EXT1: variants seen among roughly 807,000 people sequenced by gnomAD.
EXT1 encodes the protein exostosin glycosyltransferase 1.
EXT1 carries 20 observed loss-of-function variants against 82.5 expected under a neutral mutation model. That is an observed-to-expected ratio of 0.24 (90% CI 0.17 to 0.35). The LOEUF (loss-of-function observed/expected upper bound fraction) is 0.35, where lower values mean the gene tolerates loss of function less well. Ranked by LOEUF, EXT1 falls within the 10% of genes least tolerant of loss-of-function variation. The pLI, the probability that EXT1 is intolerant of heterozygous loss-of-function variation, is 1.00. For synonymous variants in EXT1, 348 were observed against 350.8 expected, an observed-to-expected ratio of 0.99 and a Z score of 0.09; for missense variants, 757 against 936.5, an observed-to-expected ratio of 0.81 and a Z score of 2.50.
intron 1 of EXT1, among the ~76,000 whole-genome samples, chr8:117,975,622 C>G (rs1279099882): frequency 6.6e-6 from 1 of 152,154 alleles, no homozygotes; most frequent in Non-Finnish European, 1.5e-5. Flanking sequence ...TTCCTCCCCT[C>G]TAACATGCGG....
Position 118,111,667 on chromosome 8 carries a change from G to T in EXT1, c.-621C>A, listed in dbSNP as rs1003411305. 2.8e-4 allele frequency: 99 copies of T among 352,312 alleles called. No individual in the cohort carries two copies. Among genetic ancestry groups the T allele is most frequent in the Admixed American group, 1.4e-3 (30 of 20,838 alleles). The allele number at this position is 352,312 out of a possible 1,614,324, so 21.8% of individuals were successfully genotyped here. On this transcript the variant is annotated 5_prime_UTR_variant, in exon 1 of 11. Coordinates refer to ENST00000378204, the MANE Select transcript of EXT1 (RefSeq NM_000127.3). ...TGTTTACTCCTGCGCTCGCGGGGCC[G>T]GCCCCCGGGACGCGCGGCGGCCCGG...
chr8:117,954,016 G>A (rs956942935), intron 1 of EXT1, among the ~76,000 whole-genome samples: 7 of 152,140 alleles, frequency 4.6e-5, no homozygotes, highest in African/African-American at 7.2e-5. Context: ...TAACTCATCC[G>A]GTTCTCACAA....
chr8:117,876,531 G>C (rs549235923), intron 1 of EXT1, among the ~76,000 whole-genome samples: 13 of 152,254 alleles, frequency 8.5e-5, no homozygotes, highest in Admixed American at 2.0e-4. Flanking sequence ...ATTCCTTGTT[G>C]ATAAAATAGA....
chr8:117,979,928 C>T (rs1815151149), intron 1 of EXT1, among the ~76,000 whole-genome samples: 1 of 152,170 alleles, frequency 6.6e-6, no homozygotes, highest in Non-Finnish European at 1.5e-5. Flanking sequence ...TCCCAGAGCA[C>T]CATGGGTTAC....
At chr8:117,990,152 G>A (rs535670729) in intron 1 of EXT1, among the ~76,000 whole-genome samples, 114 of 152,168 alleles carry the variant, frequency 7.5e-4, no homozygotes, top group Non-Finnish European at 1.4e-3. Flanking sequence ...CAGCCTAGGC[G>A]ACAGAGCGAG....
At chr8:117,805,159 A>G (rs1823219163) in intron 9 of EXT1, among the ~76,000 whole-genome samples, 1 of 152,208 alleles carries the variant, frequency 6.6e-6, no homozygotes, top group South Asian at 2.1e-4. Context: ...CCCATTTTAC[A>G]GATGAGGAAA....
chr8:117,944,563 A>C (rs1292596873), intron 1 of EXT1, among the ~76,000 whole-genome samples: 1 of 152,208 alleles, frequency 6.6e-6, no homozygotes, highest in Non-Finnish European at 1.5e-5. Context: ...TTATTAGATA[A>C]CAGGTTTGCC....
At chr8:117,945,376 A>AT (rs888252509) in intron 1 of EXT1, among the ~76,000 whole-genome samples, 5 of 152,040 alleles carry the variant, frequency 3.3e-5, no homozygotes, top group African/African-American at 1.2e-4. Flanking sequence ...GACCCTGGTG[A>AT]TTTTTTAGTC....
intron 1 of EXT1, among the ~76,000 whole-genome samples, chr8:117,894,231 G>A (rs978335105): frequency 1.3e-5 from 2 of 151,796 alleles, no homozygotes; most frequent in Non-Finnish European, 2.9e-5. Context: ...TTGAGATGAG[G>A]TCTCGCTATA....
chr8:118,029,557 G>T (rs1380431477), intron 1 of EXT1, among the ~76,000 whole-genome samples: 1 of 152,154 alleles, frequency 6.6e-6, no homozygotes, highest in Non-Finnish European at 1.5e-5. Flanking sequence ...TGAGCTATGA[G>T]ACCACCACAA....
intron 1 of EXT1, among the ~76,000 whole-genome samples, chr8:118,039,687 C>T (rs1002005655): frequency 6.6e-6 from 1 of 151,804 alleles, no homozygotes; most frequent in African/African-American, 2.4e-5. Context: ...TTACTGATCA[C>T]CCAAGCAGGC....
chr8:118,077,193 A>G (rs1207797677), intron 1 of EXT1, among the ~76,000 whole-genome samples: 1 of 152,236 alleles, frequency 6.6e-6, no homozygotes, highest in African/African-American at 2.4e-5. Context: ...CTGCATATGA[A>G]AAAGGTCACC....
intron 7 of EXT1, among the ~76,000 whole-genome samples, chr8:117,817,911 G>A (rs1347024269): frequency 1.3e-5 from 2 of 152,272 alleles, no homozygotes; most frequent in Admixed American, 6.5e-5. Flanking sequence ...AAGAGAGGCC[G>A]GCTATGTAGC....
chr8:117,828,457 G>A (rs1479430923), intron 4 of EXT1, among the ~76,000 whole-genome samples: 2 of 151,848 alleles, frequency 1.3e-5, no homozygotes, highest in Non-Finnish European at 2.9e-5. Flanking sequence ...ACTGAGGTGG[G>A]AGGATTGCTT....
At chr8:117,976,095 C>T (rs1815059154) in intron 1 of EXT1, among the ~76,000 whole-genome samples, 1 of 152,138 alleles carries the variant, frequency 6.6e-6, no homozygotes, top group South Asian at 2.1e-4. Context: ...GAATAAAGAA[C>T]TTAAGCAAAT....
chr8:118,095,454 G>A (rs1359549503), intron 1 of EXT1, among the ~76,000 whole-genome samples: 2 of 152,132 alleles, frequency 1.3e-5, no homozygotes, highest in African/African-American at 4.8e-5. Flanking sequence ...GCATTGACAG[G>A]TTTGCAACAT....
Position 117,899,222 on chromosome 8 carries a change from A to C in EXT1, c.963-62021T>G, listed in dbSNP as rs1813398436. 3.9e-5 allele frequency among the ~76,000 whole-genome samples: 6 copies of C among 152,228 alleles called. No homozygotes were observed. The South Asian group carries it at 1.2e-3, about 31-fold the overall frequency. ...ACACATTTTAGACTGGCAGTAGTAT[A>C]TGTTGTGCTCACATTTTGCAAACAC... On this transcript the variant is annotated intron_variant, in intron 1 of 10. Transcript: ENST00000378204.
chr8:117,997,685 G>GT (rs1412630684), intron 1 of EXT1, among the ~76,000 whole-genome samples: 3 of 152,202 alleles, frequency 2.0e-5, no homozygotes, highest in African/African-American at 7.2e-5. Flanking sequence ...CCATTATTCA[G>GT]TAGAGGTACA....
intron 1 of EXT1, among the ~76,000 whole-genome samples, chr8:118,017,226 T>C (rs1816020282): frequency 6.6e-6 from 1 of 152,170 alleles, no homozygotes. Flanking sequence ...ACCTACCTCA[T>C]TCTCCTTATA....
Sources: allele counts gnomAD v4.1 joint callset (sites outside exome capture counted in the v4.1 genomes callset), GRCh38; gene constraint gnomAD v4.1.1; transcripts MANE v1.5; gene names NCBI Gene and HGNC (gene_info 2026-07-23, HGNC 2026-07-21).